Variants in DSCAM observed in about 807,000 individuals in gnomAD.
DSCAM encodes cell adhesion molecule DSCAM.
In DSCAM, 47 loss-of-function variants were observed where a neutral mutation model predicts 217.7. That is an observed-to-expected ratio of 0.22 (90% CI 0.17 to 0.28). The LOEUF is 0.28. DSCAM is among the 10% of genes least tolerant of loss of function. DSCAM has a pLI of 1.00. For missense variants in DSCAM, 2,080 were observed against 2,618.3 expected (o/e 0.79, Z 4.49); for synonymous variants, 1,056 against 1,015.3 (o/e 1.04, Z -0.76).
At chr21:40,632,017 G>A (rs1428942020) in intron 3 of DSCAM, among the ~76,000 whole-genome samples, 1 of 152,256 alleles carries the variant, frequency 6.6e-6, no homozygotes, top group Non-Finnish European at 1.5e-5. Context: ...GGTTCTGTGA[G>A]AAGGTGCATT....
At chr21:40,766,325 A>ATG (rs1173383870) in intron 1 of DSCAM, among the ~76,000 whole-genome samples, 10 of 151,696 alleles carry the variant, frequency 6.6e-5, no homozygotes, top group Middle Eastern at 3.4e-3. Flanking sequence ...TGTATTTGGT[A>ATG]TGTGTGTATA....
intron 4 of DSCAM, among the ~76,000 whole-genome samples, chr21:40,357,709 T>C (rs1357945235): frequency 6.6e-6 from 1 of 151,770 alleles, no homozygotes; most frequent in African/African-American, 2.4e-5. Flanking sequence ...CAGGGCCTGT[T>C]GTGGGGTGCG....
At chr21:40,738,889 A>G (rs920692752) in intron 1 of DSCAM, among the ~76,000 whole-genome samples, 1 of 152,162 alleles carries the variant, frequency 6.6e-6, no homozygotes, top group Non-Finnish European at 1.5e-5. Flanking sequence ...GGGGCGAGTC[A>G]CACGGACAAT....
At chr21:40,367,049 G>C (rs1184497102) in intron 4 of DSCAM, among the ~76,000 whole-genome samples, 5 of 152,078 alleles carry the variant, frequency 3.3e-5, no homozygotes, top group African/African-American at 9.7e-5. Flanking sequence ...CTTCTGAAAG[G>C]AGTACTTGCT....
In DSCAM at chr21:40,369,229, G is replaced by C. The variant is rs1181107526; in HGVS notation, c.525C>G (p.Ile175Met). The change falls in exon 4 of 33, where the codon ATC (isoleucine) becomes ATG (methionine). Residue 175 changes from isoleucine to methionine, a missense_variant. Ile to Met is a conservative substitution (Grantham distance 10). This residue lies in a region of DSCAM where 568 missense variants were observed against 678.1 expected (regional missense o/e 0.84). Coordinates refer to ENST00000400454, the MANE Select transcript of DSCAM (RefSeq NM_001389.5). ...TAATATACAAGGCTCCCGTGGATGT[G>C]ATGAGAAATCTAGATCCTGAAATAG... Reference protein sequence around the residue: ...VSLVSGSRFLITSTGALYIKD... With the variant: ...VSLVSGSRFLMTSTGALYIKD... The C allele has an allele frequency of 3.1e-6, 5 of 1,608,650 alleles. No homozygotes were observed. Among genetic ancestry groups the C allele is most frequent in the Non-Finnish European group, 4.2e-6 (5 of 1,177,836 alleles).
At chr21:40,834,795 G>A (rs544182172) in intron 1 of DSCAM, among the ~76,000 whole-genome samples, 1 of 152,168 alleles carries the variant, frequency 6.6e-6, no homozygotes, top group East Asian at 1.9e-4. Context: ...GACCCCCCAG[G>A]AAAATACAGC....
chr21:40,276,003 T>C, intron 11 of DSCAM, 94 bp downstream of exon 11: 3 of 1,312,012 alleles, frequency 2.3e-6, no homozygotes, highest in Non-Finnish European at 3.0e-6. Context: ...TTGTGTTGCT[T>C]TTAAACAGGT....
intron 3 of DSCAM, among the ~76,000 whole-genome samples, chr21:40,670,954 T>C (rs1193824671): frequency 6.6e-6 from 1 of 152,082 alleles, no homozygotes; most frequent in African/African-American, 2.4e-5. Flanking sequence ...CAAGAGAAAA[T>C]AGTCTCCATT....
intron 29 of DSCAM, 64 bp from the exon 30 acceptor site, chr21:40,052,171 C>T (rs1346396703): frequency 6.4e-7 from 1 of 1,566,770 alleles, no homozygotes; most frequent in Admixed American, 1.8e-5. Context: ...ACTCCCTGGC[C>T]TTTTCTCTCC....
intron 3 of DSCAM, among the ~76,000 whole-genome samples, chr21:40,554,437 G>T (rs1300931388): frequency 6.6e-6 from 1 of 152,090 alleles, no homozygotes; most frequent in East Asian, 1.9e-4. Flanking sequence ...GTTCTTCTGT[G>T]GACCTAGCCT....
intron 20 of DSCAM, among the ~76,000 whole-genome samples, chr21:40,104,558 A>T (rs1020320651): frequency 6.6e-6 from 1 of 152,210 alleles, no homozygotes; most frequent in Non-Finnish European, 1.5e-5. Flanking sequence ...AGAGGGTGGG[A>T]TGAATAGGAG....
intron 3 of DSCAM, among the ~76,000 whole-genome samples, chr21:40,399,519 T>C (rs1420595007): frequency 1.3e-5 from 2 of 152,210 alleles, no homozygotes; most frequent in Admixed American, 1.3e-4. Context: ...AGTCTTTATA[T>C]TTCGCTGTGT....
Position 40,641,331 on chromosome 21 carries a change from C to A in DSCAM, c.508+51479G>T, listed in dbSNP as rs182486662. On this transcript the variant is annotated intron_variant, in intron 3 of 32. Coordinates refer to ENST00000400454, the MANE Select transcript of DSCAM (RefSeq NM_001389.5). The stretch of plus-strand genomic sequence containing the variant: ...ATGAGTGTTATACAAGGAAACGGGG[C>A]GAGAGAAAACAGACATGAGCTGGTT... Among the ~76,000 whole-genome samples, 141 of 151,804 alleles carry A rather than the reference C, an allele frequency of 9.3e-4. 2 individuals carry two copies. In the South Asian group the frequency reaches 0.021, roughly 23 times the overall value.
At chr21:40,565,264 G>A (rs2076756118) in intron 3 of DSCAM, among the ~76,000 whole-genome samples, 1 of 152,174 alleles carries the variant, frequency 6.6e-6, no homozygotes. Flanking sequence ...AGGGAAATTA[G>A]AGACACTGTA....
chr21:40,623,393 C>T (rs1444246029), intron 3 of DSCAM, among the ~76,000 whole-genome samples: 1 of 152,114 alleles, frequency 6.6e-6, no homozygotes, highest in African/African-American at 2.4e-5. Context: ...TGTATATGTA[C>T]AAATGATCCA....
intron 3 of DSCAM, among the ~76,000 whole-genome samples, chr21:40,622,056 C>A (rs1172206464): frequency 6.6e-6 from 1 of 152,004 alleles, no homozygotes; most frequent in Non-Finnish European, 1.5e-5. Flanking sequence ...ACCACGATGA[C>A]AAAATTTCTA....
chr21:40,730,680 C>T (rs996326181), intron 1 of DSCAM, among the ~76,000 whole-genome samples: 2 of 152,060 alleles, frequency 1.3e-5, no homozygotes, highest in African/African-American at 4.8e-5. Context: ...TGCTGGAAGA[C>T]TGTTGCCAAG....
At chr21:40,111,035 C>T (rs1601340448) in intron 20 of DSCAM, among the ~76,000 whole-genome samples, 1 of 152,162 alleles carries the variant, frequency 6.6e-6, no homozygotes, top group African/African-American at 2.4e-5. Flanking sequence ...GCAAGGCAGG[C>T]CAACATTCAA....
intron 2 of DSCAM, among the ~76,000 whole-genome samples, chr21:40,703,716 C>G (rs780308305): frequency 7.2e-5 from 11 of 152,052 alleles, no homozygotes; most frequent in Admixed American, 1.3e-4. Flanking sequence ...CTTCACGTGT[C>G]TTGAGCTTGG....
Sources: allele counts gnomAD v4.1 joint callset (sites outside exome capture counted in the v4.1 genomes callset), GRCh38; gene constraint gnomAD v4.1.1; regional missense constraint gnomAD v4.1.1; transcripts MANE v1.5; gene names NCBI Gene and HGNC (gene_info 2026-07-23, HGNC 2026-07-21).